KHDRBS2: variants seen among roughly 807,000 people sequenced by gnomAD.
KHDRBS2 encodes KH RNA binding domain containing, signal transduction associated 2.
Under a neutral mutation model 44.3 loss-of-function variants are expected in KHDRBS2, and 26 were observed. The observed-to-expected ratio is 0.59, with a 90% confidence interval of 0.43 to 0.81. The LOEUF (loss-of-function observed/expected upper bound fraction) is 0.81. Ranked by LOEUF, KHDRBS2 falls within the 40% of genes least tolerant of loss-of-function variation. The pLI, the probability that KHDRBS2 is intolerant of heterozygous loss-of-function variation, is 0.00. For missense variants in KHDRBS2, 476 were observed against 433.1 expected (o/e 1.10, Z -0.88); for synonymous variants, 194 against 151.1 (o/e 1.28, Z -2.08).
At chr6:62,003,771 G>A (rs1411161329) in intron 3 of KHDRBS2, among the ~76,000 whole-genome samples, 8 of 152,118 alleles carry the variant, frequency 5.3e-5, no homozygotes, top group Non-Finnish European at 1.0e-4. Flanking sequence ...TGGAAGTAAA[G>A]CACTCCTCAG....
chr6:62,031,159 G>A (rs1394577453), intron 3 of KHDRBS2, among the ~76,000 whole-genome samples: 1 of 152,058 alleles, frequency 6.6e-6, no homozygotes, highest in Non-Finnish European at 1.5e-5. Context: ...TGGCCAGACA[G>A]GGACCTGCTG....
chr6:61,906,545 T>C (rs1214117436), intron 4 of KHDRBS2, among the ~76,000 whole-genome samples: 3 of 152,106 alleles, frequency 2.0e-5, no homozygotes, highest in Non-Finnish European at 4.4e-5. Context: ...CTTCCCCCCC[T>C]CCTTCCCACT....
intron 1 of KHDRBS2, among the ~76,000 whole-genome samples, chr6:62,247,980 G>A (rs176603): frequency 9.9e-5 from 15 of 151,674 alleles, no homozygotes; most frequent in Admixed American, 7.2e-4. Context: ...AATAGTAGTC[G>A]AAAACAAGTA....
chr6:62,026,312 C>T (rs1256210080), intron 3 of KHDRBS2, among the ~76,000 whole-genome samples: 2 of 151,568 alleles, frequency 1.3e-5, no homozygotes, highest in Non-Finnish European at 2.9e-5. Flanking sequence ...ATAAAAAAAC[C>T]GTGAGAACAG....
intron 6 of KHDRBS2, among the ~76,000 whole-genome samples, chr6:61,884,996 C>T (rs1562367818): frequency 6.6e-6 from 1 of 151,986 alleles, no homozygotes; most frequent in South Asian, 2.1e-4. Flanking sequence ...CCATAGTTGG[C>T]AGGAAAGTGA....
intron 2 of KHDRBS2, among the ~76,000 whole-genome samples, chr6:62,159,807 G>T (rs1403409798): frequency 3.3e-5 from 5 of 152,110 alleles, no homozygotes. Flanking sequence ...ATAAGGAAGA[G>T]AAAATATATT....
intron 6 of KHDRBS2, among the ~76,000 whole-genome samples, chr6:61,861,270 T>G (rs189910208): frequency 1.2e-4 from 19 of 152,254 alleles, no homozygotes; most frequent in Admixed American, 3.9e-4. Context: ...TTTGGTGTCT[T>G]TGTTATGAAA....
intron 7 of KHDRBS2, among the ~76,000 whole-genome samples, chr6:61,720,154 CG>C (rs1562025642): frequency 6.6e-6 from 1 of 152,164 alleles, no homozygotes; most frequent in African/African-American, 2.4e-5. Flanking sequence ...ATATGTGCCA[CG>C]TTTTCTTAAT....
chr6:61,974,138 T>G (rs1771997848), intron 4 of KHDRBS2, among the ~76,000 whole-genome samples: 1 of 152,202 alleles, frequency 6.6e-6, no homozygotes, highest in Non-Finnish European at 1.5e-5. Context: ...TCAATTGAAT[T>G]GAAGGTGAGA....
At chr6:61,959,476 C>T (rs566539408) in intron 4 of KHDRBS2, among the ~76,000 whole-genome samples, 126 of 152,252 alleles carry the variant, frequency 8.3e-4, no homozygotes, top group African/African-American at 3.0e-3. Context: ...GCTGAAATCT[C>T]TTTACTTCCT....
the KHDRBS2 span, among the ~76,000 whole-genome samples, chr6:61,568,382 C>A: frequency 6.6e-6 from 1 of 152,018 alleles, no homozygotes; most frequent in East Asian, 1.9e-4. Flanking sequence ...AATAATGACA[C>A]TGGTGAGAGG....
At chr6:61,828,781 G>A (rs571076701) in intron 6 of KHDRBS2, among the ~76,000 whole-genome samples, 1 of 152,194 alleles carries the variant, frequency 6.6e-6, no homozygotes, top group South Asian at 2.1e-4. Flanking sequence ...GACCTTTGAT[G>A]GCAGATACAA....
the KHDRBS2 span, among the ~76,000 whole-genome samples, chr6:61,573,658 G>A: frequency 6.6e-6 from 1 of 152,056 alleles, no homozygotes; most frequent in Non-Finnish European, 1.5e-5. Flanking sequence ...CTGTGGTGAT[G>A]CATGCCTGCA....
intron 7 of KHDRBS2, among the ~76,000 whole-genome samples, chr6:61,724,911 A>C (rs1262880905): frequency 6.6e-6 from 1 of 152,132 alleles, no homozygotes; most frequent in Non-Finnish European, 1.5e-5. Context: ...TCTAAACAGA[A>C]AATTAACAAA....
At chr6:61,882,903 T>C (rs1800401348) in intron 6 of KHDRBS2, among the ~76,000 whole-genome samples, 1 of 151,978 alleles carries the variant, frequency 6.6e-6, no homozygotes, top group African/African-American at 2.4e-5. Context: ...ATTATAAGGG[T>C]GGTGCTGTCA....
At chr6:61,807,833 AAAT>A (rs956858642) in intron 6 of KHDRBS2, among the ~76,000 whole-genome samples, 3 of 152,212 alleles carry the variant, frequency 2.0e-5, no homozygotes, top group South Asian at 2.1e-4. Flanking sequence ...GTTAAAATAA[AAAT>A]AATAATAATA....
chr6:61,683,259 A>G (rs1766497729), intron 8 of KHDRBS2, among the ~76,000 whole-genome samples: 1 of 151,910 alleles, frequency 6.6e-6, no homozygotes, highest in Non-Finnish European at 1.5e-5. Flanking sequence ...ACATAAACCT[A>G]GGGACTTGCT....
chr6:62,087,081 C>T (rs139061999), intron 2 of KHDRBS2, among the ~76,000 whole-genome samples: 1 of 152,082 alleles, frequency 6.6e-6, no homozygotes. Context: ...CATGTATGAA[C>T]CTTGTCTCTT....
chr6:61,806,755 C>A (rs1024251820), intron 6 of KHDRBS2, among the ~76,000 whole-genome samples: 4 of 151,592 alleles, frequency 2.6e-5, no homozygotes, highest in Non-Finnish European at 4.4e-5. Flanking sequence ...AAAAAAAAGG[C>A]CTAATTTCTA....
Sources: gnomAD v4.1 joint callset for allele counts (sites outside exome capture counted in the v4.1 genomes callset) on GRCh38, gnomAD v4.1.1 for gene constraint, MANE v1.5 for transcripts, NCBI Gene and HGNC (gene_info 2026-07-23, HGNC 2026-07-21) for gene names.